The following BMP6 variants were observed in gnomAD, a reference collection of about 807,000 sequenced individuals.
The protein encoded by BMP6 is VG-1-R.
BMP6 carries 17 observed loss-of-function variants against 54.1 expected under a neutral mutation model. That is an observed-to-expected ratio of 0.31 (90% CI 0.22 to 0.47). The LOEUF (loss-of-function observed/expected upper bound fraction) is 0.47. Ranked by LOEUF, BMP6 falls within the 20% of genes least tolerant of loss-of-function variation. The pLI is 1.00. For synonymous variants in BMP6, 328 were observed against 291.2 expected (o/e 1.13, Z -1.28); for missense variants, 720 against 690.4 (o/e 1.04, Z -0.48).
intron 1 of BMP6, among the ~76,000 whole-genome samples, chr6:7,825,496 G>A (rs1008201460): frequency 1.3e-5 from 2 of 152,018 alleles, no homozygotes; most frequent in African/African-American, 2.4e-5. Context: ...TGAGGCGGGC[G>A]GATCACCTGA....
At chr6:7,868,699 G>C (rs1759469555) in intron 4 of BMP6, among the ~76,000 whole-genome samples, 1 of 152,250 alleles carries the variant, frequency 6.6e-6, no homozygotes, top group African/African-American at 2.4e-5. Flanking sequence ...TACATGTGGA[G>C]CATGCCGCTT....
intron 5 of BMP6, 99 bp downstream of exon 5, chr6:7,879,249 GGCTGAGCT>G (rs1759670864): frequency 1.6e-6 from 2 of 1,257,382 alleles, no homozygotes; most frequent in Admixed American, 3.6e-5. Context: ...CTTGATTGAA[GGCTGAGCT>G]GCTTCCTTCT....
intron 1 of BMP6, among the ~76,000 whole-genome samples, chr6:7,742,532 G>A (rs199992745): frequency 2.0e-5 from 3 of 152,148 alleles, no homozygotes; most frequent in Non-Finnish European, 4.4e-5. Context: ...TTAGCTCCCC[G>A]CTAGGCAACA....
At chr6:7,828,750 C>A (rs1758741826) in intron 1 of BMP6, among the ~76,000 whole-genome samples, 1 of 152,344 alleles carries the variant, frequency 6.6e-6, no homozygotes, top group Non-Finnish European at 1.5e-5. Context: ...GGGAGTTTAG[C>A]CCTCAGCAGG....
chr6:7,750,433 G>A (rs1248527666), intron 1 of BMP6, among the ~76,000 whole-genome samples: 5 of 152,182 alleles, frequency 3.3e-5, no homozygotes, highest in African/African-American at 1.2e-4. Flanking sequence ...ACTGAAAGCC[G>A]AGCAGATATT....
Position 7,817,640 on chromosome 6 carries a change from G to A in BMP6, c.665-27500G>A, listed in dbSNP as rs576851625. ...CCTAATGTAAATGATGAGTTAATGG[G>A]TGCAGCACACCAACATGGCACATGT... On this transcript the variant is annotated intron_variant, in intron 1 of 6. Transcript: ENST00000283147. Among the ~76,000 whole-genome samples, 667 of 151,618 alleles carry A rather than the reference G, an allele frequency of 4.4e-3. 8 individuals carry two copies. Among genetic ancestry groups the A allele is most frequent in the African/African-American group, 0.015 (607 of 41,286 alleles).
intron 1 of BMP6, among the ~76,000 whole-genome samples, chr6:7,750,338 C>A (rs1406332598): frequency 2.0e-5 from 3 of 151,956 alleles, no homozygotes; most frequent in Non-Finnish European, 4.4e-5. Context: ...TTCCGAACTG[C>A]AGAGGTACCA....
chr6:7,797,168 T>C (rs1015118887), intron 1 of BMP6, among the ~76,000 whole-genome samples: 2 of 152,214 alleles, frequency 1.3e-5, no homozygotes, highest in African/African-American at 4.8e-5. Context: ...ACAACAAATA[T>C]ACGTCATCAT....
At chr6:7,757,717 C>T (rs751685835) in intron 1 of BMP6, among the ~76,000 whole-genome samples, 27 of 152,190 alleles carry the variant, frequency 1.8e-4, no homozygotes, top group Admixed American at 4.6e-4. Flanking sequence ...TGCATCATTT[C>T]CAGACTGCTC....
chr6:7,781,292 A>T (rs1757940046), intron 1 of BMP6, among the ~76,000 whole-genome samples: 1 of 152,210 alleles, frequency 6.6e-6, no homozygotes, highest in South Asian at 2.1e-4. Context: ...GATGTGCTAA[A>T]GTTCACATGG....
chr6:7,756,896 T>A (rs1757522696), intron 1 of BMP6, among the ~76,000 whole-genome samples: 1 of 152,236 alleles, frequency 6.6e-6, no homozygotes, highest in Admixed American at 6.5e-5. Context: ...TGGTAATTTT[T>A]TTTCCTGCTG....
intron 1 of BMP6, among the ~76,000 whole-genome samples, chr6:7,808,068 C>G (rs1475089193): frequency 1.3e-5 from 2 of 151,560 alleles, no homozygotes; most frequent in South Asian, 2.1e-4. Context: ...CTACAGGCAC[C>G]CGCCACCACA....
At chr6:7,841,933 T>C (rs192125726) in intron 1 of BMP6, among the ~76,000 whole-genome samples, 2 of 152,150 alleles carry the variant, frequency 1.3e-5, no homozygotes, top group Non-Finnish European at 2.9e-5. Flanking sequence ...TTAGATTTTT[T>C]ATCTCCTCAC....
rs1761728068 is a variant in BMP6 at position 7,726,601 on chromosome 6, A to G, written c.-355A>G. Among the ~76,000 whole-genome samples, 1 of 152,086 alleles carries G rather than the reference A, an allele frequency of 6.6e-6. No homozygotes were observed. Among genetic ancestry groups the G allele is most frequent in the African/African-American group, 2.4e-5 (1 of 41,420 alleles). ...CACGTGTGCGGCCAGCGAGGCCCAG[A>G]GTGACCGCGCCGCGACTCGCAGGAG... On this transcript the variant is annotated 5_prime_UTR_variant, in exon 1 of 7. Transcript: ENST00000283147.
At chr6:7,730,808 A>G (rs1176949728) in intron 1 of BMP6, among the ~76,000 whole-genome samples, 1 of 152,262 alleles carries the variant, frequency 6.6e-6, no homozygotes, top group East Asian at 1.9e-4. Context: ...CATCTATTAA[A>G]GAATCTACAG....
chr6:7,871,484 A>T (rs1160503255), intron 4 of BMP6, among the ~76,000 whole-genome samples: 3 of 152,206 alleles, frequency 2.0e-5, no homozygotes, highest in Non-Finnish European at 4.4e-5. Context: ...GGATTTTGTC[A>T]TCTGTGTCAC....
At chr6:7,874,823 C>G (rs56240601) in intron 4 of BMP6, among the ~76,000 whole-genome samples, 11,919 of 152,072 alleles carry the variant, frequency 0.078, 614 homozygotes, top group East Asian at 0.12. Context: ...AGCACACTTG[C>G]CACCCTGTAC....
intron 1 of BMP6, among the ~76,000 whole-genome samples, chr6:7,756,340 T>G (rs1757514820): frequency 6.6e-6 from 1 of 152,220 alleles, no homozygotes; most frequent in South Asian, 2.1e-4. Context: ...AAAGTTTCAT[T>G]TACTTATTTT....
intron 1 of BMP6, among the ~76,000 whole-genome samples, chr6:7,763,631 G>C (rs1191646214): frequency 1.3e-5 from 2 of 152,162 alleles, no homozygotes. Flanking sequence ...TCCTATCATG[G>C]CTGGGCAGAA....
Sources: gnomAD v4.1 joint callset for allele counts (sites outside exome capture counted in the v4.1 genomes callset) on GRCh38, gnomAD v4.1.1 for gene constraint, MANE v1.5 for transcripts, NCBI Gene and HGNC (gene_info 2026-07-23, HGNC 2026-07-21) for gene names.